The following PHLDB2 variants were observed in gnomAD, a reference collection of about 807,000 sequenced individuals.
PHLDB2 encodes pleckstrin homology like domain family B member 2, also known as pleckstrin homology-like domain family B member 2.
PHLDB2 carries 71 observed loss-of-function variants against 123.6 expected under a neutral mutation model. The ratio of observed to expected loss-of-function variants is 0.57; its 90% confidence interval spans 0.47 to 0.70. PHLDB2 has a LOEUF of 0.70. Among genes scored for constraint, PHLDB2 ranks in the 30% least tolerant of loss-of-function variants. The probability of loss-of-function intolerance (pLI) is 0.00; values close to 1 mark genes in which losing one functional copy is unlikely to be tolerated. For missense variants in PHLDB2, 1,446 were observed against 1,519.5 expected (o/e 0.95, Z 0.80); for synonymous variants, 547 against 541.6 (o/e 1.01, Z -0.14).
chr3:111,860,012 T>G, intron 1 of PHLDB2: 1 of 510,502 alleles, frequency 2.0e-6, no homozygotes, highest in Non-Finnish European at 2.5e-6. Flanking sequence ...TGTGCATGAC[T>G]CTCGGGGGGC....
intron 12 of PHLDB2, among the ~76,000 whole-genome samples, chr3:111,959,706 C>A (rs578174859): frequency 1.3e-5 from 2 of 152,264 alleles, no homozygotes; most frequent in Non-Finnish European, 2.9e-5. Flanking sequence ...TTTTGTTATT[C>A]TGTGTTACTT....
At chr3:111,745,601 A>AT (rs2059667657) in intron 1 of PHLDB2, among the ~76,000 whole-genome samples, 7 of 152,056 alleles carry the variant, frequency 4.6e-5, no homozygotes, top group African/African-American at 1.7e-4. Context: ...CTCTACAAAA[A>AT]ATTTTTTAAA....
chr3:111,739,584 AAAACAAAACAAACAAAAAAAAAAAAC>A (rs778927920), intron 1 of PHLDB2, among the ~76,000 whole-genome samples: 2,620 of 78,978 alleles, frequency 0.033, 83 homozygotes, highest in African/African-American at 0.076. Context: ...AAAAAAAAAA[AAAACAAAACAAACAAAAAAAAAAAAC>A]AATGGTCACA....
chr3:111,767,826 A>G (rs1173417074), intron 1 of PHLDB2, among the ~76,000 whole-genome samples: 1 of 152,164 alleles, frequency 6.6e-6, no homozygotes, highest in Non-Finnish European at 1.5e-5. Context: ...CTAAAATATT[A>G]TGATTTTTTA....
intron 1 of PHLDB2, among the ~76,000 whole-genome samples, chr3:111,751,781 A>G (rs902679868): frequency 2.6e-5 from 4 of 152,210 alleles, no homozygotes; most frequent in Admixed American, 2.6e-4. Flanking sequence ...TGGTACATGT[A>G]TACATATGTA....
Position 111,773,582 on chromosome 3 carries a change from A to G in PHLDB2, c.-49+40879A>G, listed in dbSNP as rs75500297. Among the ~76,000 whole-genome samples the G allele has an allele frequency of 3.5e-3, 532 of 152,298 alleles. 4 individuals carry two copies. The highest frequency in any genetic ancestry group is 0.012 in the African/African-American group (506 of 41,570). On this transcript the variant is annotated intron_variant, in intron 1 of 17. Coordinates refer to the PHLDB2 transcript ENST00000393923. ...CCCTGACTTTGAGTTACCCAGATCT[A>G]TTTACCTGAATTTCTCCTGAGACAG...
chr3:111,946,902 A>T (rs931676428), intron 9 of PHLDB2, among the ~76,000 whole-genome samples: 1 of 152,216 alleles, frequency 6.6e-6, no homozygotes, highest in Non-Finnish European at 1.5e-5. Flanking sequence ...TGGTGGCTTG[A>T]ATTGGAGGAT....
At chr3:111,759,372 A>C (rs1188961592) in intron 1 of PHLDB2, among the ~76,000 whole-genome samples, 2 of 152,200 alleles carry the variant, frequency 1.3e-5, no homozygotes, top group Non-Finnish European at 2.9e-5. Context: ...TAAGGGTACC[A>C]ATCCTATTCA....
At chr3:111,846,851 T>C (rs1303947507) in intron 2 of PHLDB2, among the ~76,000 whole-genome samples, 5 of 152,060 alleles carry the variant, frequency 3.3e-5, no homozygotes, top group Non-Finnish European at 5.9e-5. Context: ...CGAGCAGACA[T>C]GGAAAATAAA....
chr3:111,959,378 G>T (rs570424403), intron 12 of PHLDB2, among the ~76,000 whole-genome samples: 1 of 152,242 alleles, frequency 6.6e-6, no homozygotes, highest in Non-Finnish European at 1.5e-5. Flanking sequence ...GCAGAAATGA[G>T]TAGCTCCATG....
At chr3:111,858,976 T>C (rs2064646203), upstream of PHLDB2, among the ~76,000 whole-genome samples, 1 of 152,142 alleles carries the variant, frequency 6.6e-6, no homozygotes, top group African/African-American at 2.4e-5. Context: ...CAGAAAAATA[T>C]TGGGGAAAAT....
At chr3:111,949,644 A>G (rs1245801739) in intron 10 of PHLDB2, 3 of 846,618 alleles carry the variant, frequency 3.5e-6, no homozygotes, top group Non-Finnish European at 2.8e-6. Context: ...TTTCATTTCT[A>G]TGTCTTATTC....
At chr3:111,798,282 T>C (rs2061245007) in intron 1 of PHLDB2, among the ~76,000 whole-genome samples, 1 of 152,224 alleles carries the variant, frequency 6.6e-6, no homozygotes, top group Non-Finnish European at 1.5e-5. Flanking sequence ...ATTCTAAATC[T>C]GAGAGTGCTC....
intron 1 of PHLDB2, among the ~76,000 whole-genome samples, chr3:111,796,041 C>T (rs1321880729): frequency 2.6e-5 from 4 of 152,112 alleles, no homozygotes; most frequent in Non-Finnish European, 4.4e-5. Flanking sequence ...GGATTACAGG[C>T]GCCCGCCACC....
At chr3:111,805,377 G>A (rs2108293187) in intron 1 of PHLDB2, among the ~76,000 whole-genome samples, 1 of 152,008 alleles carries the variant, frequency 6.6e-6, no homozygotes, top group South Asian at 2.1e-4. Context: ...TGGCTAACAT[G>A]GTGAAACCCC....
At chr3:111,782,123 C>CT (rs1158997221) in intron 1 of PHLDB2, among the ~76,000 whole-genome samples, 2 of 152,014 alleles carry the variant, frequency 1.3e-5, no homozygotes, top group Non-Finnish European at 2.9e-5. Context: ...TAGAGAAAGA[C>CT]TAAGTGTGAA....
intron 1 of PHLDB2, among the ~76,000 whole-genome samples, chr3:111,746,596 C>G (rs1486980302): frequency 2.6e-5 from 4 of 152,084 alleles, no homozygotes; most frequent in African/African-American, 9.7e-5. Context: ...GACCCCTCCC[C>G]TACAAAAAAC....
chr3:111,738,130 C>T (rs756110170), intron 1 of PHLDB2, among the ~76,000 whole-genome samples: 1 of 152,148 alleles, frequency 6.6e-6, no homozygotes, highest in Non-Finnish European at 1.5e-5. Context: ...AGCTAGGAAT[C>T]CTAATCATAG....
chr3:111,782,161 G>C (rs534959086), intron 1 of PHLDB2, among the ~76,000 whole-genome samples: 1 of 152,058 alleles, frequency 6.6e-6, no homozygotes, highest in African/African-American at 2.4e-5. Context: ...GCATCCAAAT[G>C]ATAAAAATAA....
Sources: allele counts gnomAD v4.1 joint callset (sites outside exome capture counted in the v4.1 genomes callset), GRCh38; gene constraint gnomAD v4.1.1; transcripts MANE v1.5; gene names NCBI Gene and HGNC (gene_info 2026-07-23, HGNC 2026-07-21).